The following SRPK2 variants were observed in gnomAD, a reference collection of about 807,000 sequenced individuals.
SRPK2 encodes SRSF protein kinase 2.
In SRPK2, 21 loss-of-function variants were observed where a neutral mutation model predicts 90.8. That is an observed-to-expected ratio of 0.23 (90% CI 0.16 to 0.33). SRPK2 has a LOEUF of 0.33. Ranked by LOEUF, SRPK2 falls within the 10% of genes least tolerant of loss-of-function variation. SRPK2 has a pLI of 1.00. For missense variants in SRPK2, 620 were observed against 869.0 expected (o/e 0.71, Z 3.60); for synonymous variants, 288 against 311.1 (o/e 0.93, Z 0.78).
intron 13 of SRPK2, among the ~76,000 whole-genome samples, chr7:105,131,689 A>AG (rs1243811936): frequency 6.6e-6 from 1 of 152,238 alleles, no homozygotes; most frequent in Non-Finnish European, 1.5e-5. Context: ...GGTAAAACAC[A>AG]GTAAATTCAA....
intron 2 of SRPK2, among the ~76,000 whole-genome samples, chr7:105,320,556 A>T (rs1238632228): frequency 1.3e-5 from 2 of 152,202 alleles, no homozygotes; most frequent in Non-Finnish European, 2.9e-5. Flanking sequence ...TACATCTTGT[A>T]AGGCGACCCA....
intron 2 of SRPK2, among the ~76,000 whole-genome samples, chr7:105,249,918 C>G (rs1046297947): frequency 1.3e-5 from 2 of 152,102 alleles, no homozygotes; most frequent in African/African-American, 4.8e-5. Flanking sequence ...CGCATATGAC[C>G]TAGAATGAGG....
chr7:105,207,522 T>C (rs995363582), intron 2 of SRPK2, among the ~76,000 whole-genome samples: 1 of 152,112 alleles, frequency 6.6e-6, no homozygotes. Flanking sequence ...TAAGCAGCAA[T>C]GGCAGTGGAA....
intron 2 of SRPK2, among the ~76,000 whole-genome samples, chr7:105,349,189 G>A (rs1349186039): frequency 6.7e-6 from 1 of 148,188 alleles, no homozygotes; most frequent in Non-Finnish European, 1.5e-5. Flanking sequence ...GGGAGGGGAT[G>A]GAGGGGAGGA....
chr7:105,162,515 A>G (rs10280470), intron 6 of SRPK2, among the ~76,000 whole-genome samples: 108,164 of 152,082 alleles, frequency 0.71, 41,670 homozygotes, highest in Non-Finnish European at 0.87. Flanking sequence ...CAAAAAAAGT[A>G]GTTGATTTAA....
At chr7:105,312,660 A>G (rs576286193) in intron 2 of SRPK2, among the ~76,000 whole-genome samples, 18 of 152,206 alleles carry the variant, frequency 1.2e-4, no homozygotes, top group Non-Finnish European at 1.3e-4. Context: ...TCCTGAATCC[A>G]TAAGTCACTT....
chr7:105,252,736 CTT>C (rs796434008), intron 2 of SRPK2, among the ~76,000 whole-genome samples: 19 of 126,874 alleles, frequency 1.5e-4, no homozygotes, highest in African/African-American at 2.8e-4. Flanking sequence ...TCTTTCTTTT[CTT>C]TTTTTTTTCT....
At chr7:105,395,959 G>C (rs942051984) in intron 1 of SRPK2, among the ~76,000 whole-genome samples, 1 of 151,562 alleles carries the variant, frequency 6.6e-6, no homozygotes, top group Non-Finnish European at 1.5e-5. Flanking sequence ...CTTGTTGCTC[G>C]GGCTGGAGTG....
chr7:105,387,169 T>C (rs1821706671), intron 2 of SRPK2, among the ~76,000 whole-genome samples: 1 of 152,250 alleles, frequency 6.6e-6, no homozygotes, highest in South Asian at 2.1e-4. Context: ...ACTGGGGTCA[T>C]ACTTTTTCCA....
intron 3 of SRPK2, among the ~76,000 whole-genome samples, chr7:105,180,877 C>G (rs1167876403): frequency 6.6e-6 from 1 of 152,130 alleles, no homozygotes; most frequent in East Asian, 1.9e-4. Flanking sequence ...AAACCAAAAA[C>G]TGACAAAGGG....
rs927167575 is a variant in SRPK2 at position 105,373,621 on chromosome 7, T to A, written c.71+15027A>T. Among the ~76,000 whole-genome samples, 14 of 152,100 alleles carry A rather than the reference T, an allele frequency of 9.2e-5. 1 individual carries two copies. The highest frequency in any genetic ancestry group is 3.4e-4 in the African/African-American group (14 of 41,418). On this transcript the variant is annotated intron_variant, in intron 2 of 15. Transcript: ENST00000393651. ...TTTCGTCATGTTGGCCAGGCTGGTC[T>A]CGAACTCCTGGCCTCAAGTGATCCG...
intron 2 of SRPK2, among the ~76,000 whole-genome samples, chr7:105,326,672 A>C (rs1437687367): frequency 6.6e-6 from 1 of 152,228 alleles, no homozygotes; most frequent in Non-Finnish European, 1.5e-5. Context: ...GTACAGAAAC[A>C]CTATGATTTT....
chr7:105,223,896 T>G (rs1798398319), intron 2 of SRPK2, among the ~76,000 whole-genome samples: 1 of 152,244 alleles, frequency 6.6e-6, no homozygotes, highest in African/African-American at 2.4e-5. Context: ...TGTATATGCC[T>G]CGAGTTACAC....
chr7:105,123,013 C>G (rs1800631105), intron 15 of SRPK2, among the ~76,000 whole-genome samples: 1 of 152,066 alleles, frequency 6.6e-6, no homozygotes, highest in African/African-American at 2.4e-5. Context: ...CCTGGCTGCA[C>G]CGTTTTTCCT....
At chr7:105,140,834 G>A (rs1483405769) in intron 11 of SRPK2, among the ~76,000 whole-genome samples, 5 of 151,942 alleles carry the variant, frequency 3.3e-5, no homozygotes, top group East Asian at 1.9e-4. Context: ...GGTGGCACGC[G>A]CCTATAATCC....
chr7:105,282,863 T>C (rs1020492304), intron 2 of SRPK2, among the ~76,000 whole-genome samples: 4 of 145,940 alleles, frequency 2.7e-5, no homozygotes, highest in African/African-American at 7.7e-5. Flanking sequence ...ACCCACAAGA[T>C]GGGAGAAAAT....
At chr7:105,192,727 G>T (rs1285736731) in intron 3 of SRPK2, among the ~76,000 whole-genome samples, 1 of 151,964 alleles carries the variant, frequency 6.6e-6, no homozygotes, top group Non-Finnish European at 1.5e-5. Flanking sequence ...TTGATTTTTT[G>T]ATTATGGACA....
intron 2 of SRPK2, among the ~76,000 whole-genome samples, chr7:105,351,669 T>G (rs761509563): frequency 6.6e-6 from 1 of 151,600 alleles, no homozygotes; most frequent in Non-Finnish European, 1.5e-5. Flanking sequence ...CTGGGTGTGG[T>G]GGCCGGCACC....
At chr7:105,258,876 G>A (rs1803768375) in intron 2 of SRPK2, among the ~76,000 whole-genome samples, 1 of 152,142 alleles carries the variant, frequency 6.6e-6, no homozygotes, top group Admixed American at 6.5e-5. Context: ...AGGTATTGAT[G>A]GAACCTATCT....
Sources: gnomAD v4.1 joint callset for allele counts (sites outside exome capture counted in the v4.1 genomes callset) on GRCh38, gnomAD v4.1.1 for gene constraint, MANE v1.5 for transcripts, NCBI Gene and HGNC (gene_info 2026-07-23, HGNC 2026-07-21) for gene names.